AGMO: variants seen among roughly 807,000 people sequenced by gnomAD.
AGMO encodes glyceryl-ether monooxygenase.
AGMO carries 75 observed loss-of-function variants against 60.2 expected under a neutral mutation model. The ratio of observed to expected loss-of-function variants is 1.25; its 90% CI spans 1.03 to 1.51. The LOEUF is 1.51. Among genes scored for constraint, AGMO ranks in the 40% most tolerant of loss-of-function variants. The pLI is 0.00. For missense variants in AGMO, 763 were observed against 525.5 expected, an observed-to-expected ratio of 1.45 and a Z score of -4.42; for synonymous variants, 261 against 177.1, an observed-to-expected ratio of 1.47 and a Z score of -3.76.
intron 12 of AGMO, among the ~76,000 whole-genome samples, chr7:15,342,995 T>G (rs1781914296): frequency 6.6e-6 from 1 of 152,004 alleles, no homozygotes; most frequent in African/African-American, 2.4e-5. Flanking sequence ...CTAGTGTCAT[T>G]CCCTTTTATG....
intron 5 of AGMO, among the ~76,000 whole-genome samples, chr7:15,397,874 G>A (rs1228452164): frequency 1.3e-5 from 2 of 152,176 alleles, no homozygotes; most frequent in East Asian, 3.9e-4. Context: ...CAGGAATTGG[G>A]AAGAAAGTAC....
chr7:15,236,868 C>T (rs939339194), intron 12 of AGMO, among the ~76,000 whole-genome samples: 2 of 151,874 alleles, frequency 1.3e-5, no homozygotes, highest in African/African-American at 4.8e-5. Context: ...GACAAGCACA[C>T]CTCTGACCTA....
At chr7:15,182,205 G>A in the AGMO span, among the ~76,000 whole-genome samples, 1 of 152,150 alleles carries the variant, frequency 6.6e-6, no homozygotes, top group Non-Finnish European at 1.5e-5. Context: ...GGGGAAGAGG[G>A]AAGTGGGGAG....
chr7:15,295,096 C>T (rs922596411), intron 12 of AGMO, among the ~76,000 whole-genome samples: 5 of 151,604 alleles, frequency 3.3e-5, no homozygotes, highest in Admixed American at 6.6e-5. Flanking sequence ...AAAGGAGGAA[C>T]AGTTAATAAA....
At chr7:15,316,818 T>C (rs941490407) in intron 12 of AGMO, among the ~76,000 whole-genome samples, 1 of 152,236 alleles carries the variant, frequency 6.6e-6, no homozygotes, top group Non-Finnish European at 1.5e-5. Context: ...TATAGATTAA[T>C]TGGCTTTTAA....
At chr7:15,407,688 TA>T (rs936195685) in intron 5 of AGMO, among the ~76,000 whole-genome samples, 2 of 151,866 alleles carry the variant, frequency 1.3e-5, no homozygotes, top group African/African-American at 4.8e-5. Flanking sequence ...TTTATTTAAA[TA>T]CAATGCTTAT....
chr7:15,249,108 A>G (rs1782854249), intron 12 of AGMO, among the ~76,000 whole-genome samples: 1 of 152,206 alleles, frequency 6.6e-6, no homozygotes, highest in Non-Finnish European at 1.5e-5. Context: ...GATACCAAGA[A>G]GGTAGAGTTG....
At chr7:15,497,325 C>T (rs1783259535) in intron 3 of AGMO, among the ~76,000 whole-genome samples, 1 of 152,088 alleles carries the variant, frequency 6.6e-6, no homozygotes, top group African/African-American at 2.4e-5. Context: ...GGACTACAAC[C>T]ACTTGTTTGT....
chr7:15,203,759 G>A (rs1287485722), intron 12 of AGMO, among the ~76,000 whole-genome samples: 1 of 151,926 alleles, frequency 6.6e-6, no homozygotes, highest in Non-Finnish European at 1.5e-5. Flanking sequence ...TTATACCAAG[G>A]AATCACAAAA....
At chr7:15,224,946 G>A (rs1021674958) in intron 12 of AGMO, among the ~76,000 whole-genome samples, 2 of 152,024 alleles carry the variant, frequency 1.3e-5, no homozygotes, top group Admixed American at 1.3e-4. Flanking sequence ...TACGCATTTT[G>A]ATTGTGGAAA....
intron 12 of AGMO, among the ~76,000 whole-genome samples, chr7:15,263,341 C>G (rs1028147752): frequency 6.6e-6 from 1 of 151,968 alleles, no homozygotes; most frequent in African/African-American, 2.4e-5. Context: ...TTCAACATCA[C>G]TCATTAAGAG....
intron 3 of AGMO, among the ~76,000 whole-genome samples, chr7:15,466,917 T>G (rs567962834): frequency 1.3e-5 from 2 of 151,932 alleles, no homozygotes; most frequent in African/African-American, 4.8e-5. Context: ...ACCAGGGAAA[T>G]GGAAAGGAGG....
intron 3 of AGMO, among the ~76,000 whole-genome samples, chr7:15,517,602 G>C (rs1056723788): frequency 6.6e-5 from 10 of 151,820 alleles, no homozygotes; most frequent in Admixed American, 3.3e-4. Flanking sequence ...AGCTGTGAGG[G>C]ACTGTGCCTT....
intron 12 of AGMO, among the ~76,000 whole-genome samples, chr7:15,214,640 G>A (rs1583297417): frequency 6.6e-6 from 1 of 152,006 alleles, no homozygotes; most frequent in East Asian, 1.9e-4. Context: ...AATGGATGAG[G>A]AGCTCTAACA....
chr7:15,382,621 A>C (rs1206466682), intron 10 of AGMO, among the ~76,000 whole-genome samples: 3 of 152,174 alleles, frequency 2.0e-5, no homozygotes, highest in African/African-American at 7.2e-5. Context: ...GGATGACTGG[A>C]GTTATTGCAA....
intron 9 of AGMO, among the ~76,000 whole-genome samples, chr7:15,386,871 A>G (rs1783935864): frequency 6.6e-6 from 1 of 152,114 alleles, no homozygotes; most frequent in Non-Finnish European, 1.5e-5. Flanking sequence ...TGTTTTAAAG[A>G]TCTTTTTTAT....
intron 12 of AGMO, among the ~76,000 whole-genome samples, chr7:15,233,510 G>A (rs1450273549): frequency 2.6e-5 from 4 of 152,054 alleles, no homozygotes; most frequent in African/African-American, 9.7e-5. Context: ...AATGGGGAGA[G>A]GTGGACTAGG....
chr7:15,266,075 A>G (rs1783422650), intron 12 of AGMO, among the ~76,000 whole-genome samples: 1 of 152,146 alleles, frequency 6.6e-6, no homozygotes, highest in East Asian at 1.9e-4. Context: ...AGCTACTTAT[A>G]GTAGTCAAAA....
At chr7:15,317,977 CGT>C (rs1563083828) in intron 12 of AGMO, among the ~76,000 whole-genome samples, 1 of 142,952 alleles carries the variant, frequency 7.0e-6, no homozygotes, top group African/African-American at 2.8e-5. Flanking sequence ...TACACACACA[CGT>C]ATATATATAT....
Sources: allele counts gnomAD v4.1 joint callset (sites outside exome capture counted in the v4.1 genomes callset), GRCh38; gene constraint gnomAD v4.1.1; transcripts MANE v1.5; gene names NCBI Gene and HGNC (gene_info 2026-07-23, HGNC 2026-07-21).